ANKAR: variants seen among roughly 807,000 people sequenced by gnomAD.
ANKAR encodes ankyrin and armadillo repeat-containing protein.
A neutral mutation model predicts 146.2 loss-of-function variants in ANKAR; 136 were observed. The observed-to-expected ratio is 0.93, with a 90% CI of 0.81 to 1.07. The LOEUF is 1.07. ANKAR is among the 50% of genes least tolerant of loss of function. ANKAR has a pLI of 0.00. For missense variants in ANKAR, 1,567 were observed against 1,679.9 expected (o/e 0.93, Z 1.18); for synonymous variants, 500 against 575.8 (o/e 0.87, Z 1.88).
At chr2:189,752,563 T>TGAG in intron 18 of ANKAR, 1 of 1,209,934 alleles carries the variant, frequency 8.3e-7, no homozygotes, top group Non-Finnish European at 1.2e-6. Flanking sequence ...ACCACCAGAA[T>TGAG]GTCAATGAAA....
chr2:189,750,897 T>C (rs1322306767), downstream of ANKAR, among the ~76,000 whole-genome samples: 1 of 152,156 alleles, frequency 6.6e-6, no homozygotes, highest in Non-Finnish European at 1.5e-5. Flanking sequence ...TTTGCTGTTC[T>C]CAAATACTGT....
Position 189,741,656 on chromosome 2 carries a change from A to G in ANKAR, c.3810+205A>G, listed in dbSNP as rs148562789. The stretch of plus-strand genomic sequence containing the variant: ...AAATTACATGACTTTTCTAATACTA[A>G]TTAGTCATACATATCTGCCATCCAC... On this transcript the variant is annotated intron_variant, in intron 20 of 22. Coordinates refer to ENST00000684021, the MANE Select transcript of ANKAR (RefSeq NM_001378068.1). 6.9e-4 allele frequency among the ~76,000 whole-genome samples: 105 copies of G among 152,308 alleles called. No homozygotes were observed. In the Middle Eastern group the frequency reaches 0.014, roughly 20 times the overall value.
intron 9 of ANKAR, among the ~76,000 whole-genome samples, chr2:189,707,452 CAAAAAA>C (rs67227035): frequency 5.5e-5 from 4 of 72,928 alleles, no homozygotes; most frequent in Admixed American, 1.9e-4. Context: ...TCTCCTTCAT[CAAAAAA>C]AAAAAAAAAA....
intron 12 of ANKAR, among the ~76,000 whole-genome samples, chr2:189,725,264 A>T (rs928299165): frequency 2.8e-4 from 37 of 133,752 alleles, no homozygotes; most frequent in African/African-American, 1.0e-3. Flanking sequence ...TACATATTTT[A>T]TATATATGGA....
chr2:189,677,642 G>A (rs560070669), intron 2 of ANKAR, among the ~76,000 whole-genome samples: 100 of 150,870 alleles, frequency 6.6e-4, no homozygotes, highest in Middle Eastern at 3.4e-3. Flanking sequence ...TGGCTGAGTA[G>A]TATTTCATGG....
intron 7 of ANKAR, among the ~76,000 whole-genome samples, chr2:189,703,163 C>A (rs981954478): frequency 6.6e-6 from 1 of 152,060 alleles, no homozygotes; most frequent in Non-Finnish European, 1.5e-5. Flanking sequence ...TAAGTTGGAG[C>A]CAGTGGATCC....
At chr2:189,743,996 A>G (rs554974599) in intron 21 of ANKAR, among the ~76,000 whole-genome samples, 33 of 152,294 alleles carry the variant, frequency 2.2e-4, no homozygotes, top group African/African-American at 7.9e-4. Flanking sequence ...ACTCCCCCCA[A>G]AAAGGGAGGA....
At chr2:189,727,247 T>C (rs1016526103) in intron 12 of ANKAR, among the ~76,000 whole-genome samples, 5 of 152,176 alleles carry the variant, frequency 3.3e-5, no homozygotes, top group African/African-American at 1.2e-4. Context: ...TTAATGATAA[T>C]ACTCATACTC....
In ANKAR at chr2:189,693,158, A is replaced by G. The variant is rs754549372; in HGVS notation, c.1288A>G (p.Met430Val). 7 of 1,553,458 alleles carry G rather than the reference A, an allele frequency of 4.5e-6. No homozygotes were observed. Among genetic ancestry groups the G allele is most frequent in the Admixed American group, 3.9e-5 (2 of 51,268 alleles). ...TAAAGAATATTACTCAATACCAGTCATGGAATTTCATGGAAAAAGGTACGG... is the reference window on the plus strand; with the variant it reads ...TAAAGAATATTACTCAATACCAGTCGTGGAATTTCATGGAAAAAGGTACGG... ...GYKEYYSIPV[M>V]EFHGKSYYVI... Residue 430 changes from methionine to valine, a missense_variant, in exon 5 of 23, where the codon ATG (methionine) becomes GTG (valine). Transcript: ENST00000684021.
chr2:189,762,905 C>T, downstream of ANKAR: 1 of 985,390 alleles, frequency 1.0e-6, no homozygotes, highest in Non-Finnish European at 1.2e-6. Flanking sequence ...GCTCTCTGTG[C>T]GCACCTGCAT....
chr2:189,692,839 T>C (rs1311861677), intron 4 of ANKAR: 3 of 282,412 alleles, frequency 1.1e-5, no homozygotes, highest in Non-Finnish European at 2.0e-5. Context: ...AGTATAAAAA[T>C]TCTACATTTC....
rs762171341 is a variant in ANKAR at position 189,743,412 on chromosome 2, T to G, written c.3948T>G (p.Ile1316Met). Residue 1316 changes from isoleucine to methionine, a missense_variant, in exon 21 of 23, where the codon ATT (isoleucine) becomes ATG (methionine). By Grantham distance (10) the Ile-to-Met change is conservative (BLOSUM62 1). Coordinates refer to ENST00000684021, the MANE Select transcript of ANKAR (RefSeq NM_001378068.1). ...ATAATATCAGCAGAGATGCAAGTAT[T>G]AACCCAGCATTTTTAAAGGAATTTC... Reference protein sequence around the residue: ...IKNNISRDASINPAFLKEFQM... With the variant: ...IKNNISRDASMNPAFLKEFQM... 2 of 1,613,902 alleles carry G rather than the reference T, an allele frequency of 1.2e-6. No individual in the cohort carries two copies. The highest frequency in any genetic ancestry group is 2.7e-5 in the African/African-American group (2 of 74,934).
chr2:189,690,074 C>A, intron 3 of ANKAR, 110 bp downstream of exon 3: 1 of 673,350 alleles, frequency 1.5e-6, no homozygotes, highest in Non-Finnish European at 2.2e-6. Context: ...TAGCTATAAC[C>A]TGTTAGAGAA....
At chr2:189,704,711 C>T (rs2038678959) in intron 7 of ANKAR, among the ~76,000 whole-genome samples, 1 of 148,732 alleles carries the variant, frequency 6.7e-6, no homozygotes. Flanking sequence ...TTTTCAAATA[C>T]TTAACATTTT....
At chr2:189,737,235 A>G (rs927626877) in intron 17 of ANKAR, among the ~76,000 whole-genome samples, 1 of 152,076 alleles carries the variant, frequency 6.6e-6, no homozygotes, top group African/African-American at 2.4e-5. Context: ...TATCTTTTGA[A>G]TCTTTCTGGA....
intron 18 of ANKAR, chr2:189,755,027 A>G (rs2045894306): frequency 4.3e-6 from 4 of 919,850 alleles, no homozygotes; most frequent in Non-Finnish European, 6.3e-6. Context: ...TACTCTTTCT[A>G]TTTTTTCTCA....
At chr2:189,699,101 G>A (rs771371245) in intron 7 of ANKAR, among the ~76,000 whole-genome samples, 4 of 152,128 alleles carry the variant, frequency 2.6e-5, no homozygotes, top group African/African-American at 4.8e-5. Flanking sequence ...CCAGAAAAAC[G>A]CTTGGCCTTC....
intron 5 of ANKAR, 150 bp from the exon 6 acceptor site, chr2:189,694,831 C>T: frequency 2.2e-6 from 1 of 461,060 alleles, no homozygotes; most frequent in Admixed American, 3.9e-5. Context: ...TGATAACTAT[C>T]TTATTAATAT....
Position 189,689,825 on chromosome 2 carries a change from A to G in ANKAR, c.900A>G (p.Gln300=), listed in dbSNP as rs755400477. ...QRLYLQKKII[Q]KHFEKKKDIR... ...TATATCTTCAAAAAAAGATTATTCA[A>G]AAACACTTTGAGAAGAAAAAAGATA... is the stretch of plus-strand genomic sequence containing the variant. Residue 300 remains glutamine, a synonymous_variant, in exon 3 of 23, where the codon CAA becomes CAG. Coordinates refer to ENST00000684021, the MANE Select transcript of ANKAR (RefSeq NM_001378068.1). 6.8e-6 allele frequency: 11 copies of G among 1,606,214 alleles called. No individual in the cohort carries two copies. The highest frequency in any genetic ancestry group is 7.6e-6 in the Non-Finnish European group (9 of 1,177,168).
Sources: gnomAD v4.1 joint callset for allele counts (sites outside exome capture counted in the v4.1 genomes callset) on GRCh38, gnomAD v4.1.1 for gene constraint, MANE v1.5 for transcripts, NCBI Gene and HGNC (gene_info 2026-07-23, HGNC 2026-07-21) for gene names.